Variants in ABCB4 observed in about 807,000 individuals in gnomAD.
ABCB4 encodes ATP binding cassette subfamily B member 4.
Under a neutral mutation model 145.7 loss-of-function variants are expected in ABCB4, and 76 were observed. The ratio of observed to expected loss-of-function variants is 0.52; its 90% CI spans 0.43 to 0.63. The LOEUF is 0.63. Ranked by LOEUF, ABCB4 falls within the 30% of genes least tolerant of loss-of-function variation. The probability of loss-of-function intolerance (pLI) is 0.00; values close to 1 mark genes in which losing one functional copy is unlikely to be tolerated. For missense variants in ABCB4, 1,234 were observed against 1,553.1 expected (o/e 0.79, Z 3.45); for synonymous variants, 517 against 566.8 (o/e 0.91, Z 1.25).
chr7:87,382,429 T>A, the ABCB4 span: 1 of 1,613,608 alleles, frequency 6.2e-7, no homozygotes. Flanking sequence ...GATCTACAGA[T>A]TGCGGCTTAT....
downstream of ABCB4, chr7:87,398,944 G>A (rs1167247798): frequency 3.7e-6 from 1 of 270,842 alleles, no homozygotes; most frequent in Non-Finnish European, 6.9e-6. Context: ...AACAATGCAA[G>A]TCTTACTCTA....
intron 3 of ABCB4, among the ~76,000 whole-genome samples, chr7:87,466,258 G>C (rs1441368744): frequency 6.6e-6 from 1 of 152,196 alleles, no homozygotes; most frequent in Non-Finnish European, 1.5e-5. Context: ...GAAAGCACAA[G>C]CTTCAGTAGC....
intron 2 of ABCB4, among the ~76,000 whole-genome samples, chr7:87,473,980 T>C (rs45476391): frequency 0.012 from 1,897 of 152,348 alleles, 41 homozygotes; most frequent in African/African-American, 0.041. Context: ...CCTTTAAATA[T>C]ATTATCTTTG....
intron 8 of ABCB4, among the ~76,000 whole-genome samples, chr7:87,447,476 C>T (rs1811427720): frequency 6.6e-6 from 1 of 152,178 alleles, no homozygotes; most frequent in African/African-American, 2.4e-5. Context: ...GAATTGAGGG[C>T]TCACCCTGGG....
chr7:87,391,657 C>T, the ABCB4 span: 2 of 1,611,818 alleles, frequency 1.2e-6, no homozygotes, highest in African/African-American at 1.3e-5. Context: ...ACTATGCGAT[C>T]ATGCACAGTT....
At chr7:87,390,980 T>TCATG in the ABCB4 span, among the ~76,000 whole-genome samples, 1 of 152,228 alleles carries the variant, frequency 6.6e-6, no homozygotes, top group Non-Finnish European at 1.5e-5. Context: ...TAAAGGTTTT[T>TCATG]CATGAGGTTG....
chr7:87,469,824 C>T (rs1259618195), intron 3 of ABCB4, among the ~76,000 whole-genome samples: 2 of 152,168 alleles, frequency 1.3e-5, no homozygotes, highest in Non-Finnish European at 2.9e-5. Flanking sequence ...ATGCCATCCC[C>T]ATCAAGCTAC....
chr7:87,419,864 A>G, intron 19 of ABCB4, 134 bp downstream of exon 19: 1 of 934,038 alleles, frequency 1.1e-6, no homozygotes, highest in Non-Finnish European at 1.8e-6. Flanking sequence ...GACAATTTGC[A>G]GGACTCTGCC....
At chr7:87,439,958 GTATGA>G (rs1810859394) in intron 13 of ABCB4, 121 bp from the exon 14 acceptor site, 3 of 1,356,298 alleles carry the variant, frequency 2.2e-6, no homozygotes, top group Admixed American at 2.0e-5. Flanking sequence ...GTATCATAAA[GTATGA>G]TAAGATAAAT....
At chr7:87,463,893 C>T (rs914215406) in intron 3 of ABCB4, among the ~76,000 whole-genome samples, 1 of 152,206 alleles carries the variant, frequency 6.6e-6, no homozygotes. Context: ...CCATTTCTCA[C>T]CTTTTCTTTC....
At chr7:87,452,843 T>C (rs1811838434) in intron 6 of ABCB4, 101 bp downstream of exon 6, 1 of 1,300,752 alleles carries the variant, frequency 7.7e-7, no homozygotes. Context: ...ATAGATCAGA[T>C]GCTCAATCTA....
At chr7:87,369,306 T>C in the ABCB4 span, 1 of 949,210 alleles carries the variant, frequency 1.1e-6, no homozygotes, top group Non-Finnish European at 1.6e-6. Context: ...TTTTCTTCTA[T>C]TGGATATATG....
chr7:87,432,018 G>A (rs1178563497), intron 14 of ABCB4, among the ~76,000 whole-genome samples: 3 of 152,282 alleles, frequency 2.0e-5, no homozygotes, highest in Middle Eastern at 6.8e-3. Context: ...TAATTCTGAT[G>A]AACTGAAAGC....
chr7:87,458,419 C>T (rs1299697217), intron 4 of ABCB4, among the ~76,000 whole-genome samples: 1 of 152,114 alleles, frequency 6.6e-6, no homozygotes, highest in South Asian at 2.1e-4. Flanking sequence ...TAATATGAAC[C>T]TTTTTTTCTT....
the ABCB4 span, among the ~76,000 whole-genome samples, chr7:87,389,291 A>G: frequency 6.6e-6 from 1 of 152,254 alleles, no homozygotes; most frequent in African/African-American, 2.4e-5. Flanking sequence ...CCAAAGGATT[A>G]TAAATCTTTC....
At chr7:87,389,423 C>A in the ABCB4 span, among the ~76,000 whole-genome samples, 461 of 152,288 alleles carry the variant, frequency 3.0e-3, 3 homozygotes, top group African/African-American at 0.01. Context: ...CACATATACA[C>A]CATGGAATAC....
chr7:87,389,058 CA>C, the ABCB4 span, among the ~76,000 whole-genome samples: 1 of 152,290 alleles, frequency 6.6e-6, no homozygotes, highest in African/African-American at 2.4e-5. Context: ...AAATGCAAAT[CA>C]AAATCACAAT....
the ABCB4 span, among the ~76,000 whole-genome samples, chr7:87,380,380 T>C: frequency 1.3e-5 from 2 of 152,254 alleles, no homozygotes; most frequent in East Asian, 3.9e-4. Context: ...ATTATTGCTG[T>C]GAGCTAGATC....
chr7:87,460,590 T>G (rs942421535), intron 4 of ABCB4, among the ~76,000 whole-genome samples: 1 of 152,142 alleles, frequency 6.6e-6, no homozygotes, highest in Non-Finnish European at 1.5e-5. Flanking sequence ...TGCCTCCAGC[T>G]GTATCCATGT....
Sources: gnomAD v4.1 joint callset for allele counts (sites outside exome capture counted in the v4.1 genomes callset) on GRCh38, gnomAD v4.1.1 for gene constraint, MANE v1.5 for transcripts, NCBI Gene and HGNC (gene_info 2026-07-23, HGNC 2026-07-21) for gene names.